Variants in CPQ observed in about 807,000 individuals in gnomAD.
The protein encoded by CPQ is carboxypeptidase Q, also known as Ser-Met dipeptidase.
In CPQ, 37 loss-of-function variants were observed where a neutral mutation model predicts 45.7. That is an observed-to-expected ratio of 0.81 (90% CI 0.62 to 1.07). CPQ has a LOEUF of 1.07. CPQ is among the 50% of genes least tolerant of loss of function. The pLI, the probability that CPQ is intolerant of heterozygous loss-of-function variation, is 0.00. For missense variants in CPQ, 537 were observed against 572.9 expected, an observed-to-expected ratio of 0.94 and a Z score of 0.64; for synonymous variants, 186 against 205.8, an observed-to-expected ratio of 0.90 and a Z score of 0.82.
intron 1 of CPQ, among the ~76,000 whole-genome samples, chr8:96,702,547 T>A (rs911944962): frequency 6.6e-6 from 1 of 152,204 alleles, no homozygotes; most frequent in Admixed American, 6.5e-5. Flanking sequence ...AAATAGTGCT[T>A]ACTACCTACC....
intron 1 of CPQ, among the ~76,000 whole-genome samples, chr8:96,708,441 A>G (rs200288096): frequency 0.027 from 3,816 of 143,806 alleles, 62 homozygotes; most frequent in Middle Eastern, 0.054. Context: ...GTGTGTGTAT[A>G]TATATATATA....
intron 1 of CPQ, among the ~76,000 whole-genome samples, chr8:96,667,022 T>C (rs1586350799): frequency 6.6e-6 from 1 of 152,296 alleles, no homozygotes; most frequent in East Asian, 1.9e-4. Flanking sequence ...GTTGCCTTTC[T>C]AGTCTCTCTT....
rs952972448 is a variant in CPQ, at chr8:96,654,940, T to G, written c.-35+9538T>G. ...TAATAAATGTCCTTTGTGGCTTTTT[T>G]TTTTTTTCCAGAATACAGCATGTTC... On this transcript the variant is annotated intron_variant, in intron 1 of 7. Transcript: ENST00000220763. Among the ~76,000 whole-genome samples the G allele has an allele frequency of 2.6e-5, 4 of 152,072 alleles. No individual in the cohort carries two copies. In the South Asian group the frequency reaches 8.3e-4, roughly 32 times the overall value.
At chr8:96,960,793 ATCT>A (rs142343522) in intron 4 of CPQ, among the ~76,000 whole-genome samples, 2,500 of 152,226 alleles carry the variant, frequency 0.016, 63 homozygotes, top group African/African-American at 0.056. Context: ...TAGAATCATA[ATCT>A]TCTACTTCTT....
intron 1 of CPQ, among the ~76,000 whole-genome samples, chr8:96,652,355 A>G (rs999517509): frequency 3.3e-5 from 5 of 152,202 alleles, no homozygotes; most frequent in South Asian, 2.1e-4. Flanking sequence ...TGTGCCACCT[A>G]TTCTTTAGCC....
chr8:96,981,573 C>T (rs1226053845), intron 5 of CPQ, among the ~76,000 whole-genome samples: 3 of 152,098 alleles, frequency 2.0e-5, no homozygotes, highest in Non-Finnish European at 4.4e-5. Flanking sequence ...ATAATTTTAC[C>T]TGAAGTCATT....
intron 7 of CPQ, among the ~76,000 whole-genome samples, chr8:97,122,960 AT>A (rs1811746082): frequency 1.1e-5 from 1 of 87,328 alleles, no homozygotes; most frequent in African/African-American, 6.3e-5. Flanking sequence ...ATAAAATAAA[AT>A]AAAATAAAAT....
At chr8:96,747,290 CA>C (rs397891702) in intron 1 of CPQ, among the ~76,000 whole-genome samples, 3,808 of 96,782 alleles carry the variant, frequency 0.039, 132 homozygotes, top group East Asian at 0.27. Context: ...ATCTTTGTCT[CA>C]AAAAAAAAAA....
chr8:96,944,538 T>A (rs1813164373), intron 4 of CPQ, among the ~76,000 whole-genome samples: 1 of 152,200 alleles, frequency 6.6e-6, no homozygotes, highest in Non-Finnish European at 1.5e-5. Flanking sequence ...GGTACAAAAT[T>A]TCCTGTTCTG....
At chr8:97,139,140 A>G (rs1041063757) in intron 7 of CPQ, among the ~76,000 whole-genome samples, 2 of 152,194 alleles carry the variant, frequency 1.3e-5, no homozygotes, top group African/African-American at 4.8e-5. Context: ...AATTATTAGG[A>G]AAAACTGGAC....
At chr8:96,836,256 C>G (rs528407261) in intron 3 of CPQ, among the ~76,000 whole-genome samples, 1 of 152,142 alleles carries the variant, frequency 6.6e-6, no homozygotes, top group East Asian at 1.9e-4. Flanking sequence ...CACCCTACAC[C>G]CCTGAAAATA....
intron 1 of CPQ, among the ~76,000 whole-genome samples, chr8:96,675,345 A>G (rs921458433): frequency 5.3e-5 from 8 of 151,748 alleles, no homozygotes; most frequent in Admixed American, 2.0e-4. Flanking sequence ...CTGACATTTC[A>G]TTTTGGAGGC....
At chr8:96,945,739 TCC>T in intron 4 of CPQ, among the ~76,000 whole-genome samples, 1 of 152,330 alleles carries the variant, frequency 6.6e-6, no homozygotes, top group African/African-American at 2.4e-5. Context: ...ACAAAACCCT[TCC>T]CATTAACTTG....
intron 2 of CPQ, among the ~76,000 whole-genome samples, chr8:96,790,685 G>A (rs1218693652): frequency 1.3e-5 from 2 of 152,096 alleles, no homozygotes; most frequent in Non-Finnish European, 2.9e-5. Flanking sequence ...GCTGGGGGTG[G>A]GAGAGGAAAG....
At chr8:97,066,780 C>T (rs1810642978) in intron 7 of CPQ, among the ~76,000 whole-genome samples, 1 of 151,990 alleles carries the variant, frequency 6.6e-6, no homozygotes, top group Admixed American at 6.6e-5. Context: ...AACTAATTTA[C>T]CCTGGGCAGT....
At chr8:96,823,540 T>A (rs1811338009) in intron 2 of CPQ, among the ~76,000 whole-genome samples, 1 of 152,046 alleles carries the variant, frequency 6.6e-6, no homozygotes, top group Non-Finnish European at 1.5e-5. Flanking sequence ...TTTTTTCTGA[T>A]AATATTATCT....
intron 2 of CPQ, among the ~76,000 whole-genome samples, chr8:96,827,198 G>A (rs921833978): frequency 3.3e-5 from 5 of 152,102 alleles, no homozygotes; most frequent in Non-Finnish European, 7.4e-5. Flanking sequence ...AGGAAATAAT[G>A]GAACATATGT....
At chr8:97,000,899 T>C (rs1324743467) in intron 5 of CPQ, among the ~76,000 whole-genome samples, 1 of 152,210 alleles carries the variant, frequency 6.6e-6, no homozygotes, top group East Asian at 1.9e-4. Context: ...TTTGTTTGTA[T>C]CATCTCTGAT....
At chr8:96,724,456 G>A (rs1160594038) in intron 1 of CPQ, among the ~76,000 whole-genome samples, 2 of 151,166 alleles carry the variant, frequency 1.3e-5, no homozygotes, top group Admixed American at 6.6e-5. Context: ...TTCAAGCTGA[G>A]AGCCAAGTCA....
Sources: allele counts gnomAD v4.1 joint callset (sites outside exome capture counted in the v4.1 genomes callset), GRCh38; gene constraint gnomAD v4.1.1; transcripts MANE v1.5; gene names NCBI Gene and HGNC (gene_info 2026-07-23, HGNC 2026-07-21).